ARHGAP21: variants seen among roughly 807,000 people sequenced by gnomAD.
The protein encoded by ARHGAP21 is rho GTPase-activating protein 21.
ARHGAP21 carries 38 observed loss-of-function variants against 164.6 expected under a neutral mutation model. The ratio of observed to expected loss-of-function variants is 0.23; its 90% CI spans 0.18 to 0.30. The LOEUF (loss-of-function observed/expected upper bound fraction) is 0.30. Among genes scored for constraint, ARHGAP21 ranks in the 10% least tolerant of loss-of-function variants. The probability of loss-of-function intolerance (pLI) is 1.00; values close to 1 mark genes in which losing one functional copy is unlikely to be tolerated. For synonymous variants in ARHGAP21, 766 were observed against 857.9 expected (o/e 0.89, Z 1.87); for missense variants, 1,822 against 2,370.7 (o/e 0.77, Z 4.81).
intron 2 of ARHGAP21, among the ~76,000 whole-genome samples, chr10:24,715,749 T>C (rs568020123): frequency 6.6e-6 from 1 of 152,336 alleles, no homozygotes; most frequent in African/African-American, 2.4e-5. Context: ...GGCTCACACC[T>C]GTAATTCCAG....
intron 4 of ARHGAP21, among the ~76,000 whole-genome samples, chr10:24,636,665 C>T (rs1013416030): frequency 1.4e-4 from 22 of 152,180 alleles, no homozygotes; most frequent in African/African-American, 5.3e-4. Flanking sequence ...AAAGGAATAT[C>T]TATCACTAGC....
chr10:24,690,321 G>C (rs1317319215), intron 2 of ARHGAP21, among the ~76,000 whole-genome samples: 2 of 152,070 alleles, frequency 1.3e-5, no homozygotes, highest in South Asian at 4.1e-4. Flanking sequence ...ATATTTTAAA[G>C]TGCCATCCAG....
rs773690526 is a variant in ARHGAP21, at chr10:24,620,233, T to C, written c.1662A>G (p.Arg554=). Residue 554 remains arginine, a synonymous_variant, in exon 9 of 26, where the codon CGA becomes CGG. Transcript: ENST00000396432. ...PRQQEIHKSF[R]GSNFTVAPSV... ...TTGGAGCCACAGTAAAATTGGAACC[T>C]CGAAAAGATTTATGAATTTCTTGCT... The C allele has an allele frequency of 5.6e-6, 9 of 1,613,844 alleles. No homozygotes were observed. The South Asian group carries it at 9.9e-5, about 18-fold the overall frequency.
At chr10:24,703,480 A>G (rs1339425003) in intron 2 of ARHGAP21, among the ~76,000 whole-genome samples, 1 of 152,178 alleles carries the variant, frequency 6.6e-6, no homozygotes, top group East Asian at 1.9e-4. Context: ...AGTAACACTC[A>G]AGCCATACCA....
chr10:24,666,082 T>G (rs1006669008), intron 4 of ARHGAP21, among the ~76,000 whole-genome samples: 2 of 152,226 alleles, frequency 1.3e-5, no homozygotes, highest in Admixed American at 1.3e-4. Flanking sequence ...CAGGCTGGAG[T>G]GCAGTGGAGC....
Position 24,584,792 on chromosome 10 carries a change from A to G in ARHGAP21, c.5497T>C (p.Ser1833Pro), listed in dbSNP as rs1369159524. 1 of 1,613,934 alleles carries G rather than the reference A, an allele frequency of 6.2e-7. No individual in the cohort carries two copies. Among genetic ancestry groups the G allele is most frequent in the East Asian group, 2.2e-5 (1 of 44,882 alleles). ...EQSGERESEL[S>P]AVNRLKPKCS... ...TTTGGTTTTAACCGGTTTACAGCTG[A>G]AAGTTCAGATTCTCTCTCCCCGCTC... Residue 1833 changes from serine (S) to proline (P), a missense_variant, in exon 26 of 26, where the codon TCA becomes CCA. This residue lies in a region of ARHGAP21 where 165 missense variants were observed against 176.6 expected (regional missense o/e 0.93). Transcript: ENST00000396432.
In ARHGAP21 at chr10:24,600,851, T is replaced by G. The variant is rs957147677; in HGVS notation, c.2927A>C (p.Lys976Thr). 9 of 1,614,096 alleles carry G rather than the reference T, an allele frequency of 5.6e-6. No individual in the cohort carries two copies. In the Admixed American group the frequency reaches 1.2e-4, roughly 21 times the overall value. The change falls in exon 14 of 26, where the codon AAA (lysine) becomes ACA (threonine). Residue 976 changes from lysine to threonine, a missense_variant. Physicochemically the swap from Lys to Thr is moderately conservative, Grantham distance 78. Around this residue, in one of 5 missense-constraint regions of ARHGAP21, gnomAD observed 1,090 missense variants for 1,378.9 expected, o/e 0.79. Coordinates refer to ENST00000396432, the MANE Select transcript of ARHGAP21 (RefSeq NM_020824.4). ...RGHSLYLYKD[K>T]REQTTPSEEE... is the part of the protein sequence containing the mutation. ...CTCAGACGGAGTCGTCTGCTCTCTT[T>G]TATCTTTGTACAGGTAAAGTGAATG...
At chr10:24,685,189 A>G (rs1842104308) in intron 2 of ARHGAP21, among the ~76,000 whole-genome samples, 1 of 152,184 alleles carries the variant, frequency 6.6e-6, no homozygotes, top group Non-Finnish European at 1.5e-5. Context: ...TTCCATTCCT[A>G]TATTTTAGTA....
chr10:24,698,870 T>G (rs915393920), intron 2 of ARHGAP21, among the ~76,000 whole-genome samples: 6 of 152,342 alleles, frequency 3.9e-5, no homozygotes, highest in South Asian at 2.1e-4. Flanking sequence ...TCTGCTCACA[T>G]AGGCTCAATG....
chr10:24,633,883 C>CTTTTTTTTTTT (rs3073324), intron 5 of ARHGAP21, among the ~76,000 whole-genome samples: 20 of 75,494 alleles, frequency 2.6e-4, no homozygotes, highest in Non-Finnish European at 3.4e-4. Flanking sequence ...CTTTTTTTCT[C>CTTTTTTTTTTT]TTTTTTTTTT....
At chr10:24,625,620 C>T (rs1835066741) in intron 7 of ARHGAP21, among the ~76,000 whole-genome samples, 1 of 152,102 alleles carries the variant, frequency 6.6e-6, no homozygotes, top group Admixed American at 6.5e-5. Context: ...TGCTAACCTG[C>T]AAAATATGAA....
At chr10:24,711,052 C>T (rs1844739054) in intron 2 of ARHGAP21, among the ~76,000 whole-genome samples, 1 of 143,788 alleles carries the variant, frequency 7.0e-6, no homozygotes, top group African/African-American at 2.6e-5. Context: ...CAAGATCGCG[C>T]CACTGCACTC....
intron 2 of ARHGAP21, among the ~76,000 whole-genome samples, chr10:24,677,593 A>C (rs538026826): frequency 6.6e-6 from 1 of 152,330 alleles, no homozygotes; most frequent in South Asian, 2.1e-4. Context: ...GATTTAGCGG[A>C]GCATAACATG....
Position 24,607,595 on chromosome 10 carries a change from A to G in ARHGAP21, c.2588T>C (p.Val863Ala). Residue 863 changes from valine (V) to alanine (A), a missense_variant, in exon 11 of 26, where the codon GTT becomes GCT. By Grantham distance (64) the Val-to-Ala change is moderately conservative. Transcript: ENST00000396432. ...CTGAGCATCCAGGCTAGGAGGGCCA[A>G]CAGATTCTGTAATTAATTAAAATCC... The part of the protein sequence containing the change: ...RRQLSHDHES[V>A]GPPSLDAQPN... 6.2e-7 allele frequency: 1 copy of G among 1,614,002 alleles called. No individual in the cohort carries two copies.
intron 2 of ARHGAP21, among the ~76,000 whole-genome samples, chr10:24,678,084 A>G (rs1841435830): frequency 6.6e-6 from 1 of 151,902 alleles, no homozygotes; most frequent in Non-Finnish European, 1.5e-5. Flanking sequence ...CAACATAGTG[A>G]GACCTCACTC....
rs1418011237 is a variant in ARHGAP21, at chr10:24,723,712, C to T, written c.-531G>A. The T allele has an allele frequency of 2.0e-5, 3 of 147,930 alleles. No homozygotes were observed. Among genetic ancestry groups the T allele is most frequent in the African/African-American group, 7.4e-5 (3 of 40,760 alleles). The allele number at this position is 147,930 out of a possible 1,614,324, so 9.2% of individuals were successfully genotyped here. On this transcript the variant is annotated 5_prime_UTR_variant, in exon 1 of 26. Coordinates refer to ENST00000396432, the MANE Select transcript of ARHGAP21 (RefSeq NM_020824.4). Reference sequence around the variant, plus strand: ...CGCCGCCGCCGCCGCGCTCCGAGGCCGCCGCCCCCGGCCGGCCGCTCCCAG... The same window carrying T: ...CGCCGCCGCCGCCGCGCTCCGAGGCTGCCGCCCCCGGCCGGCCGCTCCCAG...
At chr10:24,686,874 T>G (rs1251728253) in intron 2 of ARHGAP21, among the ~76,000 whole-genome samples, 1 of 152,138 alleles carries the variant, frequency 6.6e-6, no homozygotes, top group Non-Finnish European at 1.5e-5. Context: ...TCCCGATCAG[T>G]GTACTTTAAG....
At chr10:24,607,229 C>T (rs988987018) in intron 11 of ARHGAP21, among the ~76,000 whole-genome samples, 1 of 152,082 alleles carries the variant, frequency 6.6e-6, no homozygotes, top group African/African-American at 2.4e-5. Context: ...TAGAATTACA[C>T]AAAAGAAAAC....
chr10:24,604,932 A>G (rs2130951690), intron 11 of ARHGAP21, among the ~76,000 whole-genome samples: 1 of 152,340 alleles, frequency 6.6e-6, no homozygotes, highest in East Asian at 1.9e-4. Context: ...GGTTCATGTT[A>G]AAGTAATCGA....
Sources: allele counts gnomAD v4.1 joint callset (sites outside exome capture counted in the v4.1 genomes callset), GRCh38; gene constraint gnomAD v4.1.1; regional missense constraint gnomAD v4.1.1; transcripts MANE v1.5; gene names NCBI Gene and HGNC (gene_info 2026-07-23, HGNC 2026-07-21).